Variants in ZFYVE27 observed in about 807,000 individuals in gnomAD.
ZFYVE27 encodes the protein zinc finger FYVE-type containing 27.
Under a neutral mutation model 52.8 loss-of-function variants are expected in ZFYVE27, and 36 were observed. The observed-to-expected ratio is 0.68, with a 90% CI of 0.52 to 0.90. The LOEUF (loss-of-function observed/expected upper bound fraction) is 0.90. ZFYVE27 is among the 40% of genes least tolerant of loss of function. ZFYVE27 has a pLI of 0.00. For missense variants in ZFYVE27, 450 were observed against 527.2 expected (o/e 0.85, Z 1.43); for synonymous variants, 223 against 215.6 (o/e 1.03, Z -0.30).
In ZFYVE27 at chr10:97,753,145, G is replaced by A. The variant is rs751293519; in HGVS notation, c.1005G>A (p.Thr335=). The part of the protein sequence containing the change: ...EVLRSKVSRL[T]ERLRKRYPTN... ...TGCGCAGCAAGGTGTCTCGGCTCAC[G>A]GAGCGGCTCCGCAAGCGCTACCCCA... The change falls in exon 10 of 13, where the codon ACG becomes ACA. Residue 335 remains threonine, a synonymous_variant. Transcript: ENST00000684270. 29 of 1,612,066 alleles carry A rather than the reference G, an allele frequency of 1.8e-5. No homozygotes were observed. The East Asian group carries it at 4.9e-4, about 27-fold the overall frequency.
intron 2 of ZFYVE27, among the ~76,000 whole-genome samples, chr10:97,740,397 T>G (rs1423029838): frequency 6.6e-6 from 1 of 152,176 alleles, no homozygotes; most frequent in African/African-American, 2.4e-5. Flanking sequence ...GAGAGGCTGT[T>G]TTCTCCTTTT....
chr10:97,746,415 A>G (rs1490483727), intron 4 of ZFYVE27, among the ~76,000 whole-genome samples: 5 of 152,212 alleles, frequency 3.3e-5, no homozygotes, highest in African/African-American at 1.2e-4. Flanking sequence ...AGATAGAACA[A>G]TTATTAACAT....
intron 8 of ZFYVE27, 120 bp downstream of exon 8, chr10:97,751,582 GA>G: frequency 1.0e-6 from 1 of 964,586 alleles, no homozygotes; most frequent in South Asian, 1.4e-5. Context: ...CTGTGAGCTA[GA>G]ACTCACTGGT....
intron 2 of ZFYVE27, among the ~76,000 whole-genome samples, chr10:97,742,417 G>T (rs964423883): frequency 1.3e-5 from 2 of 152,164 alleles, no homozygotes; most frequent in Non-Finnish European, 2.9e-5. Flanking sequence ...TGGTGGTGGT[G>T]GTGGTGGCAG....
chr10:97,753,012 A>G (rs2047403481), intron 9 of ZFYVE27, 26 bp from the exon 10 acceptor site: 1 of 1,612,732 alleles, frequency 6.2e-7, no homozygotes, highest in Admixed American at 1.7e-5. Context: ...AGAGGTGGGC[A>G]GGACTGGAAG....
Position 97,756,981 on chromosome 10 carries a change from G to A in ZFYVE27, c.1043-284G>A, listed in dbSNP as rs570851772. Among the ~76,000 whole-genome samples the A allele has an allele frequency of 2.6e-5, 4 of 152,336 alleles. No individual in the cohort carries two copies. In the East Asian group the frequency reaches 7.7e-4, roughly 29 times the overall value. On this transcript the variant is annotated intron_variant, in intron 10 of 12. Coordinates refer to ENST00000684270, the MANE Select transcript of ZFYVE27 (RefSeq NM_001385875.1). ...TTTCTTGGAGTGGATTCTGCTGGGT[G>A]CTCTTTGATTTCTGTTGAACCTGTA...
chr10:97,742,524 TTAAAA>T (rs1241903879), intron 2 of ZFYVE27, among the ~76,000 whole-genome samples: 3 of 152,202 alleles, frequency 2.0e-5, no homozygotes, highest in African/African-American at 4.8e-5. Context: ...TTTTAATATA[TTAAAA>T]TAAAATCTTT....
intron 12 of ZFYVE27, 193 bp downstream of exon 12, chr10:97,757,916 C>T (rs945971589): frequency 8.0e-5 from 47 of 589,048 alleles, no homozygotes; most frequent in Non-Finnish European, 5.5e-5. Context: ...TATGATGTAC[C>T]TGTGAATTGT....
chr10:97,759,025 C>G (rs1240849835), intron 12 of ZFYVE27, among the ~76,000 whole-genome samples: 1 of 152,094 alleles, frequency 6.6e-6, no homozygotes, highest in African/African-American at 2.4e-5. Flanking sequence ...ATTCATAGCA[C>G]AGGAGTGGCC....
chr10:97,738,658 G>A lies in ZFYVE27; in HGVS notation c.181G>A (p.Val61Ile), dbSNP rs2042744950. The change falls in exon 2 of 13, where the codon GTT (valine) becomes ATT (isoleucine). Residue 61 changes from valine (V) to isoleucine (I), a missense_variant. Physicochemically the swap from Val to Ile is conservative, Grantham distance 29 (BLOSUM62 3). Coordinates refer to ENST00000684270, the MANE Select transcript of ZFYVE27 (RefSeq NM_001385875.1). ...ACCCTTGAAGGATGCAGGTGATGGT[G>A]TTCGATACTTGCTCAGGTACAGACT... ...LEPLKDAGDG[V>I]RYLLRWQMPL... 8.1e-6 allele frequency: 13 copies of A among 1,614,236 alleles called. No individual in the cohort carries two copies. The highest frequency in any genetic ancestry group is 1.6e-4 in the Middle Eastern group (1 of 6,062).
At chr10:97,737,603 C>T (rs1394042612) in intron 1 of ZFYVE27, among the ~76,000 whole-genome samples, 1 of 152,248 alleles carries the variant, frequency 6.6e-6, no homozygotes, top group East Asian at 1.9e-4. Flanking sequence ...TCCCGTTGGC[C>T]CCTTTGTCCC....
Position 97,753,146 on chromosome 10 carries a change from G to A in ZFYVE27, c.1006G>A (p.Glu336Lys), listed in dbSNP as rs150635415. The A allele has an allele frequency of 6.2e-7, 1 of 1,611,840 alleles. No homozygotes were observed. Among genetic ancestry groups the A allele is most frequent in the African/African-American group, 1.3e-5 (1 of 74,902 alleles). Residue 336 changes from glutamate to lysine, a missense_variant, in exon 10 of 13, where the codon GAG (glutamate) becomes AAG (lysine). By Grantham distance (56) the Glu-to-Lys change is moderately conservative. Coordinates refer to ENST00000684270, the MANE Select transcript of ZFYVE27 (RefSeq NM_001385875.1). ...VLRSKVSRLTERLRKRYPTNN... is the reference protein window; with the variant it reads ...VLRSKVSRLTKRLRKRYPTNN... The stretch of plus-strand genomic sequence containing the variant: ...GCGCAGCAAGGTGTCTCGGCTCACG[G>A]AGCGGCTCCGCAAGCGCTACCCCAC...
At chr10:97,746,883 G>A (rs1218427506) in intron 4 of ZFYVE27, among the ~76,000 whole-genome samples, 1 of 151,958 alleles carries the variant, frequency 6.6e-6, no homozygotes, top group Admixed American at 6.6e-5. Context: ...TAGAGATAGG[G>A]TCTCATTGTC....
In ZFYVE27 at chr10:97,737,287, G is replaced by C. The variant is rs2042331871; in HGVS notation, c.-36G>C. On this transcript the variant is annotated 5_prime_UTR_variant, in exon 1 of 13. Transcript: ENST00000684270. Reference sequence around the variant, plus strand: ...AGTGGCTCTACCCCTGCTCCTGCCCGACCCTGCCGCCTCCCTCACGGAGCC... The same window carrying C: ...AGTGGCTCTACCCCTGCTCCTGCCCCACCCTGCCGCCTCCCTCACGGAGCC... 6.6e-6 allele frequency: 1 copy of C among 152,436 alleles called. No individual in the cohort carries two copies. 9.4% of individuals were successfully genotyped at this position (152,436 alleles called of 1,614,324 possible). A position where few individuals can be genotyped will look rare whatever the true frequency, so the allele number is the denominator to read the frequency against.
Position 97,744,887 on chromosome 10 carries a change from C to A in ZFYVE27, c.427C>A (p.Pro143Thr). Residue 143 changes from proline to threonine, a missense_variant, in exon 4 of 13, where the codon CCC becomes ACC. Transcript: ENST00000684270. ...CCTGCAGAGAGGTCGCCTGTCTCGT[C>A]CCGAGGCCGTGGCTGAGGTGAAGAG... is the stretch of plus-strand genomic sequence containing the variant. ...EDLQRGRLSR[P>T]EAVAEVKSFL... is the part of the protein sequence containing the mutation. The A allele has an allele frequency of 6.3e-7, 1 of 1,599,280 alleles. No homozygotes were observed. Among genetic ancestry groups the A allele is most frequent in the Non-Finnish European group, 8.5e-7 (1 of 1,171,810 alleles).
In ZFYVE27 at chr10:97,759,355, C is replaced by T. The variant is rs907068014; in HGVS notation, c.*55C>T. ...CGTCCTTGGGACCAGCAGTAGACCC[C>T]CCACTCTCCCCACCCCTGGCCCACT... On this transcript the variant is annotated 3_prime_UTR_variant, in exon 13 of 13. Transcript: ENST00000684270. 10 of 1,580,892 alleles carry T rather than the reference C, an allele frequency of 6.3e-6. No homozygotes were observed. The highest frequency in any genetic ancestry group is 7.8e-6 in the Non-Finnish European group (9 of 1,150,402).
In ZFYVE27 at chr10:97,750,734, T is replaced by C. The variant is rs182927988; in HGVS notation, c.804+264T>C. Among the ~76,000 whole-genome samples the C allele has an allele frequency of 2.4e-4, 37 of 151,896 alleles. No homozygotes were observed. The East Asian group carries it at 6.2e-3, about 25-fold the overall frequency. On this transcript the variant is annotated intron_variant, in intron 7 of 12. Transcript: ENST00000684270. ...GGAGTGCAGGTTCTTTCTTTCCTTT[T>C]CTTTTTTTTTTTTCCTTTTTTTTTG...
intron 8 of ZFYVE27, among the ~76,000 whole-genome samples, chr10:97,752,385 C>A (rs1186368612): frequency 6.6e-6 from 1 of 152,150 alleles, no homozygotes; most frequent in Non-Finnish European, 1.5e-5. Flanking sequence ...TAAAAGATTG[C>A]TCCAAAACTT....
At chr10:97,749,953 A>G (rs1343134545) in intron 6 of ZFYVE27, 2 of 412,956 alleles carry the variant, frequency 4.8e-6, no homozygotes, top group Non-Finnish European at 9.1e-6. Context: ...GTGTGATCCC[A>G]GAATACCCCT....
Sources: gnomAD v4.1 joint callset for allele counts (sites outside exome capture counted in the v4.1 genomes callset) on GRCh38, gnomAD v4.1.1 for gene constraint, MANE v1.5 for transcripts, NCBI Gene and HGNC (gene_info 2026-07-23, HGNC 2026-07-21) for gene names.